The following NRG1 variants were observed in gnomAD, a reference collection of about 807,000 sequenced individuals.
The protein encoded by NRG1 is pro-neuregulin-1, membrane-bound isoform.
NRG1 carries 18 observed loss-of-function variants against 63.8 expected under a neutral mutation model. That is an observed-to-expected ratio of 0.28 (90% CI 0.19 to 0.42). NRG1 has a LOEUF of 0.42. Ranked by LOEUF, NRG1 falls within the 10% of genes least tolerant of loss-of-function variation. The pLI is 1.00. For missense variants in NRG1, 762 were observed against 814.7 expected (o/e 0.94, Z 0.79); for synonymous variants, 302 against 301.3 (o/e 1.00, Z -0.02).
intron 1 of NRG1, among the ~76,000 whole-genome samples, chr8:32,282,923 G>C (rs1052318797): frequency 2.0e-5 from 3 of 152,052 alleles, no homozygotes; most frequent in Non-Finnish European, 4.4e-5. Flanking sequence ...AAAGGCATTT[G>C]GTGTTGCTTA....
At chr8:32,016,204 T>G in intron 1 of NRG1, among the ~76,000 whole-genome samples, 1 of 152,088 alleles carries the variant, frequency 6.6e-6, no homozygotes, top group East Asian at 1.9e-4. Context: ...AAAAGATATA[T>G]ATATATTCCT....
At chr8:31,639,880 G>A in intron 1 of NRG1, 1 of 1,092,568 alleles carries the variant, frequency 9.2e-7, no homozygotes, top group South Asian at 4.2e-5. Flanking sequence ...AGGGCAAGGG[G>A]GGAGGAGGAG....
chr8:31,834,663 A>C (rs1296363888), intron 1 of NRG1, among the ~76,000 whole-genome samples: 1 of 152,214 alleles, frequency 6.6e-6, no homozygotes, highest in African/African-American at 2.4e-5. Flanking sequence ...GTAGGCTATG[A>C]TCACATCACT....
chr8:32,690,549 G>A (rs941778221), intron 5 of NRG1, among the ~76,000 whole-genome samples: 11 of 78,570 alleles, frequency 1.4e-4, no homozygotes, highest in East Asian at 7.8e-4. Context: ...TGCAAGACAC[G>A]GAACCCAGTA....
chr8:32,027,946 G>GC (rs1341700884), intron 1 of NRG1, among the ~76,000 whole-genome samples: 1 of 152,242 alleles, frequency 6.6e-6, no homozygotes, highest in South Asian at 2.1e-4. Flanking sequence ...AATTACAGTG[G>GC]CTTAAAAAAC....
chr8:32,102,425 A>G (rs1217899559), intron 1 of NRG1, among the ~76,000 whole-genome samples: 1 of 152,158 alleles, frequency 6.6e-6, no homozygotes, highest in Non-Finnish European at 1.5e-5. Context: ...GGTGTAAGCC[A>G]CTGATCCCAG....
chr8:32,499,366 A>G (rs1383747298), intron 1 of NRG1, among the ~76,000 whole-genome samples: 2 of 152,206 alleles, frequency 1.3e-5, no homozygotes, highest in East Asian at 3.8e-4. Context: ...TCCAGAAGGC[A>G]GTTAGTTGGC....
At chr8:31,852,551 T>C (rs1827357660) in intron 1 of NRG1, among the ~76,000 whole-genome samples, 2 of 151,456 alleles carry the variant, frequency 1.3e-5, no homozygotes, top group African/African-American at 4.8e-5. Context: ...TTCTCCCATT[T>C]TGTAGGTTGC....
At chr8:32,269,186 G>A (rs1851296388) in intron 1 of NRG1, among the ~76,000 whole-genome samples, 2 of 151,466 alleles carry the variant, frequency 1.3e-5, no homozygotes. Flanking sequence ...TAGATATCTT[G>A]TGAAATACTC....
rs551438653 is a variant in NRG1 at position 32,564,119 on chromosome 8, G to A, written c.100+15293G>A. On this transcript the variant is annotated intron_variant, in intron 1 of 11. Coordinates refer to ENST00000356819, the Ensembl canonical transcript of NRG1. Reference sequence around the variant, plus strand: ...AATCAGAGTCACCGAGTCCCACACAGAGAAACAGAGAATGCTGTCTGTCAT... The same window carrying A: ...AATCAGAGTCACCGAGTCCCACACAAAGAAACAGAGAATGCTGTCTGTCAT... Among the ~76,000 whole-genome samples, 14 of 152,268 alleles carry A rather than the reference G, an allele frequency of 9.2e-5. No individual in the cohort carries two copies. The South Asian group carries it at 1.0e-3, about 11-fold the overall frequency.
At chr8:32,590,605 T>G (rs1842361923) in intron 1 of NRG1, among the ~76,000 whole-genome samples, 1 of 152,182 alleles carries the variant, frequency 6.6e-6, no homozygotes, top group African/African-American at 2.4e-5. Context: ...GAACTACCAT[T>G]GGCCTTATAA....
chr8:31,639,725 G>A (rs927653025), intron 1 of NRG1: 3 of 1,373,808 alleles, frequency 2.2e-6, no homozygotes, highest in African/African-American at 3.1e-5. Flanking sequence ...CGGCGGCAGC[G>A]GTTTTTTTGC....
At chr8:32,182,316 G>T (rs1841517126) in intron 1 of NRG1, among the ~76,000 whole-genome samples, 1 of 150,970 alleles carries the variant, frequency 6.6e-6, no homozygotes, top group African/African-American at 2.4e-5. Context: ...GTGGGATCTC[G>T]GCTCACCACA....
chr8:32,251,050 A>G (rs997435251), intron 1 of NRG1, among the ~76,000 whole-genome samples: 1 of 151,826 alleles, frequency 6.6e-6, no homozygotes, highest in African/African-American at 2.4e-5. Context: ...AAAAATTGCC[A>G]TATTTATTAT....
chr8:31,663,199 T>C (rs993128505), intron 1 of NRG1, among the ~76,000 whole-genome samples: 1 of 152,208 alleles, frequency 6.6e-6, no homozygotes, highest in Non-Finnish European at 1.5e-5. Flanking sequence ...TAAATTGGAT[T>C]GGAAAAGTAG....
chr8:32,544,470 T>C (rs1483544245), upstream of NRG1, among the ~76,000 whole-genome samples: 2 of 113,350 alleles, frequency 1.8e-5, 1 homozygote, highest in African/African-American at 6.6e-5. Flanking sequence ...ACTGCCTAGC[T>C]TATTATTTAT....
At chr8:31,901,004 T>A (rs1282864875) in intron 1 of NRG1, among the ~76,000 whole-genome samples, 1 of 152,212 alleles carries the variant, frequency 6.6e-6, no homozygotes, top group Non-Finnish European at 1.5e-5. Context: ...TTCTCTTTTT[T>A]TTCCCAGAAA....
chr8:32,228,961 A>G (rs1281631051), intron 1 of NRG1, among the ~76,000 whole-genome samples: 1 of 152,174 alleles, frequency 6.6e-6, no homozygotes, highest in Non-Finnish European at 1.5e-5. Flanking sequence ...AATTCAAATG[A>G]TTGACTCAGG....
chr8:31,910,927 C>A (rs1454244568), intron 1 of NRG1, among the ~76,000 whole-genome samples: 1 of 152,100 alleles, frequency 6.6e-6, no homozygotes, highest in East Asian at 1.9e-4. Context: ...GCAGGTTTTA[C>A]AACAGGACCA....
Sources: gnomAD v4.1 joint callset for allele counts (sites outside exome capture counted in the v4.1 genomes callset) on GRCh38, gnomAD v4.1.1 for gene constraint, MANE v1.5 for transcripts, NCBI Gene and HGNC (gene_info 2026-07-23, HGNC 2026-07-21) for gene names.